STIMATE: variants seen among roughly 807,000 people sequenced by gnomAD.
STIMATE encodes the protein store-operated calcium entry regulator STIMATE.
In STIMATE, 15 loss-of-function variants were observed where a neutral mutation model predicts 36.7. That is an observed-to-expected ratio of 0.41 (90% CI 0.27 to 0.63). STIMATE has a LOEUF of 0.63. STIMATE is among the 20% of genes least tolerant of loss of function. The pLI, the probability that STIMATE is intolerant of heterozygous loss-of-function variation, is 0.32. For synonymous variants in STIMATE, 163 were observed against 162.3 expected, an observed-to-expected ratio of 1.00 and a Z score of -0.03; for missense variants, 305 against 397.3, an observed-to-expected ratio of 0.77 and a Z score of 1.98.
chr3:52,848,041 G>A (rs1700937841), intron 4 of STIMATE: 1 of 154,284 alleles, frequency 6.5e-6, no homozygotes, highest in African/African-American at 2.4e-5. Flanking sequence ...TTAGCCCAGT[G>A]AGACCCATGA....
intron 2 of STIMATE, among the ~76,000 whole-genome samples, chr3:52,853,920 A>T (rs1701050400): frequency 6.6e-6 from 1 of 152,228 alleles, no homozygotes; most frequent in African/African-American, 2.4e-5. Flanking sequence ...TGTCTTGAAG[A>T]GCTGACTGTA....
At chr3:52,856,972 C>G (rs925212930) in intron 1 of STIMATE, among the ~76,000 whole-genome samples, 10 of 152,134 alleles carry the variant, frequency 6.6e-5, no homozygotes, top group Non-Finnish European at 1.5e-5. Flanking sequence ...AGAAAAGTAC[C>G]AAGGAAGAAA....
intron 1 of STIMATE, among the ~76,000 whole-genome samples, chr3:52,863,189 GT>G (rs1395348756): frequency 6.6e-6 from 1 of 152,200 alleles, no homozygotes; most frequent in South Asian, 2.1e-4. Flanking sequence ...CAGAGTACAT[GT>G]ATTAGTCCGC....
intron 1 of STIMATE, among the ~76,000 whole-genome samples, chr3:52,860,398 G>A (rs1701198097): frequency 6.6e-6 from 1 of 152,058 alleles, no homozygotes. Flanking sequence ...CGAGGAAGGT[G>A]CAGGCCAAGT....
chr3:52,867,860 C>T (rs867758999), intron 1 of STIMATE, among the ~76,000 whole-genome samples: 39 of 152,136 alleles, frequency 2.6e-4, no homozygotes, highest in African/African-American at 8.7e-4. Context: ...GTAGAGGAGC[C>T]GCAAAGAAAG....
intron 1 of STIMATE, among the ~76,000 whole-genome samples, chr3:52,888,134 CAT>C (rs1217762373): frequency 6.7e-6 from 1 of 150,298 alleles, no homozygotes; most frequent in Non-Finnish European, 1.5e-5. Flanking sequence ...GACCGTAACA[CAT>C]GTCCCTCATC....
rs573120218 is a variant in STIMATE at position 52,836,834 on chromosome 3, A to G, written c.*3660T>C. ...TCTTTCATTTCAAAAAAACGTTTCCATGAATCCTACCACCACCGATTAAGC... is the reference window on the plus strand; with the variant it reads ...TCTTTCATTTCAAAAAAACGTTTCCGTGAATCCTACCACCACCGATTAAGC... On this transcript the variant is annotated 3_prime_UTR_variant, in exon 8 of 8. Transcript: ENST00000355083. 142 of 284,116 alleles carry G rather than the reference A, an allele frequency of 5.0e-4. 3 individuals carry two copies. Among genetic ancestry groups the G allele is most frequent in the South Asian group, 4.6e-3 (138 of 29,906 alleles). 17.6% of individuals were successfully genotyped at this position (284,116 alleles called of 1,614,324 possible). A position where few individuals can be genotyped will look rare whatever the true frequency, so the allele number is the denominator to read the frequency against.
At chr3:52,871,360 G>A (rs11712498) in intron 1 of STIMATE, among the ~76,000 whole-genome samples, 14,470 of 151,950 alleles carry the variant, frequency 0.095, 814 homozygotes, top group Non-Finnish European at 0.13. Flanking sequence ...AACCCAGGCC[G>A]GACTGCTCAC....
intron 1 of STIMATE, among the ~76,000 whole-genome samples, chr3:52,866,714 C>T (rs1238876539): frequency 2.6e-5 from 4 of 152,194 alleles, no homozygotes; most frequent in Admixed American, 6.5e-5. Context: ...CCTCAGAGCC[C>T]GATCTGGGCT....
chr3:52,897,207 T>C (rs1701879229), intron 1 of STIMATE, 84 bp downstream of exon 1: 1 of 1,493,314 alleles, frequency 6.7e-7, no homozygotes, highest in Non-Finnish European at 8.9e-7. Context: ...AGGCCTGAAC[T>C]CTCCGCGCAG....
At chr3:52,891,454 A>G (rs1252556916) in intron 1 of STIMATE, among the ~76,000 whole-genome samples, 1 of 152,230 alleles carries the variant, frequency 6.6e-6, no homozygotes, top group Non-Finnish European at 1.5e-5. Flanking sequence ...CCCTGGGCAA[A>G]GAAAAGCCAG....
rs761882761 is a variant in STIMATE at position 52,844,904 on chromosome 3, G to A, written c.465C>T (p.Cys155=). Residue 155 remains cysteine (C), a synonymous_variant, in exon 5 of 8, where the codon TGC becomes TGT. Transcript: ENST00000355083. The part of the protein sequence containing the change: ...PLQCGAWVGQ[C]ALYIVIMIFE... The stretch of plus-strand genomic sequence containing the variant: ...AAATCATGATCACGATGTAAAGAGC[G>A]CACTGCCCGACCCAGGCTCCACACT... The A allele has an allele frequency of 9.9e-6, 16 of 1,613,876 alleles. No homozygotes were observed. The highest frequency in any genetic ancestry group is 6.7e-5 in the African/African-American group (5 of 74,908).
rs34298807 is a variant in STIMATE at position 52,859,502 on chromosome 3, C to CAAAAAAA, written c.161-4065_161-4059dup. The stretch of plus-strand genomic sequence containing the variant: ...AGCAACAAAGCAAGACCCATTTCTC[C>CAAAAAAA]AAAAAAAAAAAAAAAAAAAAAAAAA... On this transcript the variant is annotated intron_variant, in intron 1 of 7. Coordinates refer to ENST00000355083, the MANE Select transcript of STIMATE (RefSeq NM_198563.5). Among the ~76,000 whole-genome samples the CAAAAAAA allele has an allele frequency of 2.4e-3, 38 of 15,632 alleles. 1 individual carries two copies. Among genetic ancestry groups the CAAAAAAA allele is most frequent in the Admixed American group, 4.0e-3 (2 of 498 alleles). The allele number at this position is 15,632 out of a possible 152,430, so 10.3% of individuals were successfully genotyped here.
chr3:52,880,579 C>T (rs1229250539), intron 1 of STIMATE, among the ~76,000 whole-genome samples: 4 of 152,174 alleles, frequency 2.6e-5, no homozygotes, highest in Admixed American at 6.5e-5. Flanking sequence ...AAGCTCCATT[C>T]GCACTTCCTT....
rs764911969 is a variant in STIMATE, at chr3:52,855,456, G to C, written c.161-12C>G. The C allele has an allele frequency of 6.2e-7, 1 of 1,613,882 alleles. No individual in the cohort carries two copies. Among genetic ancestry groups the C allele is most frequent in the Non-Finnish European group, 8.5e-7 (1 of 1,179,960 alleles). On this transcript the variant is annotated splice_polypyrimidine_tract_variant and intron_variant, in intron 1 of 7. Transcript: ENST00000355083. ...TCTGAAGCGTTTGACTGAAAGAAAA[G>C]ACAGACATCAGTAGTTTTCCAAAGA...
Position 52,865,882 on chromosome 3 carries a change from C to CTG in STIMATE, c.161-10440_161-10439dup, listed in dbSNP as rs529568433. ...TGGACAACCACACAGATGCACAGAT[C>CTG]TGTGTGTGTGTGTGTAGGGGCGGTG... On this transcript the variant is annotated intron_variant, in intron 1 of 7. Transcript: ENST00000355083. Among the ~76,000 whole-genome samples the CTG allele has an allele frequency of 9.2e-3, 1,387 of 151,466 alleles. 116 individuals are homozygous for CTG. The South Asian group carries it at 0.21, about 23-fold the overall frequency.
At chr3:52,843,573 T>C in intron 6 of STIMATE, 148 bp downstream of exon 6, 1 of 1,234,572 alleles carries the variant, frequency 8.1e-7, no homozygotes, top group Non-Finnish European at 1.1e-6. Flanking sequence ...ATCCTGCCAT[T>C]TCCAGGTCTG....
At chr3:52,851,525 A>T (rs2106666972) in intron 3 of STIMATE, among the ~76,000 whole-genome samples, 1 of 152,362 alleles carries the variant, frequency 6.6e-6, no homozygotes. Context: ...ACCAGTGAAA[A>T]GAGGGAGGGG....
Position 52,852,703 on chromosome 3 carries a change from A to T in STIMATE, c.210-5T>A. On this transcript the variant is annotated splice_region_variant and splice_polypyrimidine_tract_variant and intron_variant, in intron 2 of 7. Transcript: ENST00000355083. ...TGTTTGGAAGTGTCTAAAAACCTGT[A>T]CAAAATAAACCAGCACTGGTTATTA... 6.2e-7 allele frequency: 1 copy of T among 1,613,838 alleles called. No individual in the cohort carries two copies. The highest frequency in any genetic ancestry group is 8.5e-7 in the Non-Finnish European group (1 of 1,179,928).
Sources: allele counts gnomAD v4.1 joint callset (sites outside exome capture counted in the v4.1 genomes callset), GRCh38; gene constraint gnomAD v4.1.1; transcripts MANE v1.5; gene names NCBI Gene and HGNC (gene_info 2026-07-23, HGNC 2026-07-21).